VAV3: variants seen among roughly 807,000 people sequenced by gnomAD.
VAV3 encodes the protein vav guanine nucleotide exchange factor 3.
VAV3 carries 94 observed loss-of-function variants against 131.2 expected under a neutral mutation model. The ratio of observed to expected loss-of-function variants is 0.72; its 90% CI spans 0.61 to 0.85. VAV3 has a LOEUF of 0.85. Among genes scored for constraint, VAV3 ranks in the 40% least tolerant of loss-of-function variants. The pLI is 0.00. For synonymous variants in VAV3, 349 were observed against 342.0 expected, an observed-to-expected ratio of 1.02 and a Z score of -0.22; for missense variants, 939 against 1,002.7, an observed-to-expected ratio of 0.94 and a Z score of 0.86.
chr1:107,959,774 A>T (rs745578879), intron 1 of VAV3, among the ~76,000 whole-genome samples: 15 of 152,076 alleles, frequency 9.9e-5, no homozygotes, highest in South Asian at 4.1e-4. Context: ...CAACTCCTCC[A>T]ACTTGCTCGG....
chr1:107,807,150 G>A (rs1249912593), intron 2 of VAV3, among the ~76,000 whole-genome samples: 1 of 152,112 alleles, frequency 6.6e-6, no homozygotes, highest in Non-Finnish European at 1.5e-5. Flanking sequence ...TTGGTTTCTA[G>A]GTGTCAAAAT....
At chr1:107,888,774 T>C (rs1261378488) in intron 1 of VAV3, among the ~76,000 whole-genome samples, 1 of 152,124 alleles carries the variant, frequency 6.6e-6, no homozygotes, top group Non-Finnish European at 1.5e-5. Context: ...TGACTCACTT[T>C]GAAACAAAAT....
chr1:107,839,506 G>C (rs1195380070), intron 2 of VAV3, among the ~76,000 whole-genome samples: 1 of 152,030 alleles, frequency 6.6e-6, no homozygotes, highest in Non-Finnish European at 1.5e-5. Context: ...TTGTCTAAAT[G>C]CATGAGATGC....
At chr1:107,964,281 G>C (rs1007543223) in intron 1 of VAV3, among the ~76,000 whole-genome samples, 1 of 152,158 alleles carries the variant, frequency 6.6e-6, no homozygotes, top group Non-Finnish European at 1.5e-5. Flanking sequence ...AGAGACTAAA[G>C]GCAAATTACC....
At chr1:107,853,949 T>G (rs1369392759) in intron 2 of VAV3, among the ~76,000 whole-genome samples, 3 of 152,156 alleles carry the variant, frequency 2.0e-5, no homozygotes, top group African/African-American at 7.2e-5. Flanking sequence ...GTTGTCACAG[T>G]GTAGGGTAAC....
In VAV3 at chr1:107,573,136, G is replaced by A; in HGVS notation, c.*195C>T. ...CAGGCTGTTTCTTGCACAGCTCTAGGCAAGCCATTAATCTGTCAGTACCAG... is the reference window on the plus strand; with the variant it reads ...CAGGCTGTTTCTTGCACAGCTCTAGACAAGCCATTAATCTGTCAGTACCAG... On this transcript the variant is annotated 3_prime_UTR_variant, in exon 27 of 27. Transcript: ENST00000370056. 1.6e-6 allele frequency: 1 copy of A among 638,252 alleles called. No homozygotes were observed. Among genetic ancestry groups the A allele is most frequent in the Non-Finnish European group, 2.6e-6 (1 of 378,764 alleles). 39.5% of individuals were successfully genotyped at this position (638,252 alleles called of 1,614,324 possible). A position where few individuals can be genotyped will look rare whatever the true frequency, so the allele number is the denominator to read the frequency against.
At chr1:107,788,398 G>T (rs1219104165) in intron 2 of VAV3, among the ~76,000 whole-genome samples, 2 of 151,948 alleles carry the variant, frequency 1.3e-5, no homozygotes, top group East Asian at 3.9e-4. Context: ...ACACCCAACT[G>T]CTTTGCCTGC....
Position 107,760,854 on chromosome 1 carries a change from C to T in VAV3, c.947G>A (p.Gly316Glu), listed in dbSNP as rs1664370420. 7 of 1,613,368 alleles carry T rather than the reference C, an allele frequency of 4.3e-6. No homozygotes were observed. The East Asian group carries it at 1.1e-4, about 26-fold the overall frequency. Residue 316 changes from glycine (G) to glutamate (E), a missense_variant, in exon 10 of 27, where the codon GGG becomes GAG. Physicochemically the swap from Gly to Glu is moderately conservative, Grantham distance 98. Coordinates refer to ENST00000370056, the MANE Select transcript of VAV3 (RefSeq NM_006113.5). ...LEECSKRANN[G>E]KFTLRDLLVV... is the part of the protein sequence containing the mutation. ...AAGCAAGTCTCGAAGAGTAAATTTC[C>T]CATTATTTGCTCTTTTGGAACATTC...
intron 22 of VAV3, among the ~76,000 whole-genome samples, chr1:107,607,162 C>T (rs1222788313): frequency 6.6e-6 from 1 of 151,856 alleles, no homozygotes; most frequent in Non-Finnish European, 1.5e-5. Flanking sequence ...CACTATGTTC[C>T]AGGCTGGTCT....
intron 1 of VAV3, among the ~76,000 whole-genome samples, chr1:107,891,684 CA>C (rs1359605767): frequency 2.0e-5 from 3 of 151,792 alleles, no homozygotes; most frequent in Non-Finnish European, 4.4e-5. Flanking sequence ...ACTAAAAATA[CA>C]AAAATTAGCC....
Position 107,866,179 on chromosome 1 carries a change from C to T in VAV3, c.321+8722G>A, listed in dbSNP as rs1394428257. Among the ~76,000 whole-genome samples the T allele has an allele frequency of 3.9e-5, 6 of 152,276 alleles. No homozygotes were observed. The South Asian group carries it at 1.2e-3, about 32-fold the overall frequency. ...TTGGGTCTCTTCCAAGCATACTTTC[C>T]TTTCTTTCCTGTTCTAAAGGCTTTT... On this transcript the variant is annotated intron_variant, in intron 2 of 26. Transcript: ENST00000370056.
At chr1:107,894,117 T>C (rs1041888625) in intron 1 of VAV3, among the ~76,000 whole-genome samples, 1 of 152,218 alleles carries the variant, frequency 6.6e-6, no homozygotes, top group African/African-American at 2.4e-5. Flanking sequence ...TGTAAATAGT[T>C]AAATTATTTC....
At chr1:107,578,115 A>G (rs545145638) in intron 25 of VAV3, among the ~76,000 whole-genome samples, 1 of 152,286 alleles carries the variant, frequency 6.6e-6, no homozygotes, top group Admixed American at 6.5e-5. Flanking sequence ...CACCACCCAA[A>G]CAGACTGGCC....
chr1:107,660,388 C>G (rs570554087), intron 19 of VAV3, among the ~76,000 whole-genome samples: 65 of 152,258 alleles, frequency 4.3e-4, no homozygotes, highest in Non-Finnish European at 8.2e-4. Context: ...ATTTGGCTCC[C>G]TTGGCTTTGA....
chr1:107,705,085 T>A, intron 15 of VAV3, 24 bp from the exon 16 acceptor site: 2 of 1,565,788 alleles, frequency 1.3e-6, no homozygotes, highest in Admixed American at 1.7e-5. Flanking sequence ...AAAAATAACT[T>A]TCTATAGAAA....
chr1:107,632,713 T>G (rs1654595663), intron 20 of VAV3, among the ~76,000 whole-genome samples: 1 of 152,222 alleles, frequency 6.6e-6, no homozygotes, highest in South Asian at 2.1e-4. Context: ...TGATAGGAAC[T>G]GATAATTGAA....
intron 2 of VAV3, among the ~76,000 whole-genome samples, chr1:107,813,408 A>T (rs1667414388): frequency 6.6e-6 from 1 of 152,230 alleles, no homozygotes. Flanking sequence ...ATACTGGCAT[A>T]TTAGTTATTA....
At chr1:107,957,195 C>G (rs1674853446) in intron 1 of VAV3, among the ~76,000 whole-genome samples, 1 of 152,154 alleles carries the variant, frequency 6.6e-6, no homozygotes, top group South Asian at 2.1e-4. Context: ...ACCTGGGTCT[C>G]AACCTAGATA....
intron 15 of VAV3, among the ~76,000 whole-genome samples, chr1:107,743,040 G>C (rs1268291027): frequency 6.6e-6 from 1 of 152,048 alleles, no homozygotes; most frequent in Non-Finnish European, 1.5e-5. Flanking sequence ...CTGAGGCCTG[G>C]GCATTCTCTA....
Sources: allele counts gnomAD v4.1 joint callset (sites outside exome capture counted in the v4.1 genomes callset), GRCh38; gene constraint gnomAD v4.1.1; transcripts MANE v1.5; gene names NCBI Gene and HGNC (gene_info 2026-07-23, HGNC 2026-07-21).